The following PDE1A variants were observed in gnomAD, a reference collection of about 807,000 sequenced individuals.
The protein encoded by PDE1A is dual specificity calcium/calmodulin-dependent 3',5'-cyclic nucleotide phosphodiesterase 1A.
In PDE1A, 35 loss-of-function variants were observed where a neutral mutation model predicts 61.7. That is an observed-to-expected ratio of 0.57 (90% CI 0.43 to 0.75). The LOEUF (loss-of-function observed/expected upper bound fraction) is 0.75, where lower values mean the gene tolerates loss of function less well. Ranked by LOEUF, PDE1A falls within the 30% of genes least tolerant of loss-of-function variation. PDE1A has a pLI of 0.00. For missense variants in PDE1A, 597 were observed against 630.6 expected (o/e 0.95, Z 0.57); for synonymous variants, 232 against 213.2 (o/e 1.09, Z -0.77).
intron 2 of PDE1A, among the ~76,000 whole-genome samples, chr2:182,459,986 A>G (rs144512056): frequency 9.9e-5 from 15 of 152,154 alleles, no homozygotes; most frequent in Admixed American, 1.3e-4. Flanking sequence ...AGCCACCTCA[A>G]TCTCCATTCA....
At chr2:182,183,568 T>C (rs545065852) in intron 13 of PDE1A, among the ~76,000 whole-genome samples, 1 of 152,180 alleles carries the variant, frequency 6.6e-6, no homozygotes, top group East Asian at 1.9e-4. Flanking sequence ...GCCCCAAGCT[T>C]TGTCAGCCTA....
At chr2:182,681,317 T>C in the PDE1A span, among the ~76,000 whole-genome samples, 313 of 116,358 alleles carry the variant, frequency 2.7e-3, 5 homozygotes, top group African/African-American at 7.8e-3. Flanking sequence ...TTTAATTATT[T>C]ATTTTAGAGA....
chr2:182,423,923 C>CAA (rs564745025), intron 1 of PDE1A, among the ~76,000 whole-genome samples: 8,384 of 122,754 alleles, frequency 0.068, 291 homozygotes, highest in Middle Eastern at 0.13. Context: ...CCAAATATTT[C>CAA]AAAAAAAAAA....
chr2:182,499,704 C>A (rs1688972882), intron 2 of PDE1A, among the ~76,000 whole-genome samples: 1 of 152,156 alleles, frequency 6.6e-6, no homozygotes, highest in African/African-American at 2.4e-5. Flanking sequence ...GTATCTTTTA[C>A]TTATGTTTGA....
chr2:182,311,608 G>A (rs920751991), intron 1 of PDE1A, among the ~76,000 whole-genome samples: 1 of 152,074 alleles, frequency 6.6e-6, no homozygotes, highest in Non-Finnish European at 1.5e-5. Flanking sequence ...CTTTCCCTGA[G>A]TATAATGCTT....
At chr2:182,700,721 CA>C in the PDE1A span, among the ~76,000 whole-genome samples, 42 of 24,006 alleles carry the variant, frequency 1.7e-3, no homozygotes, top group South Asian at 6.1e-3. Flanking sequence ...GACTCCATCT[CA>C]AAAAAAAAAA....
chr2:182,275,605 T>G, intron 1 of PDE1A, among the ~76,000 whole-genome samples: 1 of 152,142 alleles, frequency 6.6e-6, no homozygotes, highest in East Asian at 1.9e-4. Context: ...AGGTATTTAG[T>G]TCATCTTACT....
chr2:182,241,956 CT>C lies in PDE1A; in HGVS notation c.168-1665del, dbSNP rs2125695144. ...TAGCCCATTTCAGCAAGTCACTAAACTTCATGGCTTGAAAATATCACTACTT... is the reference window on the plus strand; with the variant it reads ...TAGCCCATTTCAGCAAGTCACTAAACTCATGGCTTGAAAATATCACTACTT... On this transcript the variant is annotated intron_variant, in intron 2 of 13. Transcript: ENST00000351439. 3 of 1,498,312 alleles carry C rather than the reference CT, an allele frequency of 2.0e-6. No homozygotes were observed. The East Asian group carries it at 7.4e-5, about 37-fold the overall frequency. The allele number at this position is 1,498,312 out of a possible 1,614,324, so 92.8% of individuals were successfully genotyped here.
rs767344606 is a variant in PDE1A, at chr2:182,201,710, T to C, written c.982A>G (p.Asn328Asp). ...TACCCTTCAGGCTGCTGCAAACTGTTTCTTATATTTTTAATTTGCTGGAAG... is the reference window on the plus strand; with the variant it reads ...TACCCTTCAGGCTGCTGCAAACTGTCTCTTATATTTTTAATTTGCTGGAAG... The change falls in exon 9 of 14, where the codon AAC (asparagine) becomes GAC (aspartate). Residue 328 changes from asparagine to aspartate, a missense_variant. Asn to Asp is a conservative substitution (Grantham distance 23). Transcript: ENST00000351439. 31 of 1,607,836 alleles carry C rather than the reference T, an allele frequency of 1.9e-5. No homozygotes were observed. The highest frequency in any genetic ancestry group is 2.1e-5 in the Non-Finnish European group (25 of 1,178,050).
exon 14 of PDE1A, chr2:182,168,197 T>C: frequency 6.4e-7 from 1 of 1,556,272 alleles, no homozygotes; most frequent in Non-Finnish European, 8.6e-7. Context: ...CTCCAAGTCT[T>C]TTGGTCAAAT....
chr2:182,167,819 G>T (rs1004649205), downstream of PDE1A: 2 of 682,314 alleles, frequency 2.9e-6, no homozygotes, highest in Non-Finnish European at 3.5e-6. Context: ...TAGAATTAAT[G>T]TAAAAGATAA....
At chr2:182,484,377 A>G (rs766509013) in intron 2 of PDE1A, among the ~76,000 whole-genome samples, 46 of 152,076 alleles carry the variant, frequency 3.0e-4, no homozygotes, top group Non-Finnish European at 5.9e-4. Context: ...GATGGATTAC[A>G]GACATAAATG....
At chr2:182,149,755 T>C (rs1690681741) in intron 13 of PDE1A, among the ~76,000 whole-genome samples, 1 of 152,140 alleles carries the variant, frequency 6.6e-6, no homozygotes, top group Admixed American at 6.5e-5. Context: ...TTAAAGATCA[T>C]CTTAGATGAC....
chr2:182,201,648 G>C, intron 9 of PDE1A, 40 bp downstream of exon 9: 7 of 438,294 alleles, frequency 1.6e-5, no homozygotes, highest in Admixed American at 1.1e-4. Context: ...ACTTTAACAT[G>C]ACAAAAAAAA....
the PDE1A span, among the ~76,000 whole-genome samples, chr2:182,613,900 A>C: frequency 6.6e-6 from 1 of 152,206 alleles, no homozygotes; most frequent in Non-Finnish European, 1.5e-5. Context: ...AGATCATGCC[A>C]CACTCCTTTC....
chr2:182,591,879 G>A, the PDE1A span, among the ~76,000 whole-genome samples: 1 of 152,166 alleles, frequency 6.6e-6, no homozygotes, highest in Admixed American at 6.5e-5. Flanking sequence ...TTCCACCAGT[G>A]AAGAATCATT....
chr2:182,707,289 G>T, the PDE1A span, among the ~76,000 whole-genome samples: 1 of 151,290 alleles, frequency 6.6e-6, no homozygotes, highest in South Asian at 2.1e-4. Flanking sequence ...GCAGGAAAAA[G>T]GAAATAAAGA....
chr2:182,288,742 C>T (rs1462468449), intron 1 of PDE1A, among the ~76,000 whole-genome samples: 1 of 152,018 alleles, frequency 6.6e-6, no homozygotes, highest in East Asian at 1.9e-4. Context: ...TGTGGAATTT[C>T]TGTGGATGAC....
At chr2:182,587,008 G>A in the PDE1A span, among the ~76,000 whole-genome samples, 7 of 152,282 alleles carry the variant, frequency 4.6e-5, 1 homozygote, top group South Asian at 1.2e-3. Context: ...GGTGGGGGGT[G>A]TAAAGCTTTT....
Sources: allele counts gnomAD v4.1 joint callset (sites outside exome capture counted in the v4.1 genomes callset), GRCh38; gene constraint gnomAD v4.1.1; transcripts MANE v1.5; gene names NCBI Gene and HGNC (gene_info 2026-07-23, HGNC 2026-07-21).